LRP1: variants seen among roughly 807,000 people sequenced by gnomAD.
LRP1 encodes the protein LDL receptor related protein 1, also known as prolow-density lipoprotein receptor-related protein 1.
In LRP1, 51 loss-of-function variants were observed where a neutral mutation model predicts 541.5. The ratio of observed to expected loss-of-function variants is 0.09; its 90% confidence interval spans 0.08 to 0.12. LRP1 has a LOEUF of 0.12. LRP1 is among the 10% of genes least tolerant of loss of function. The pLI is 1.00. For synonymous variants in LRP1, 2,219 were observed against 2,470.8 expected (o/e 0.90, Z 3.02); for missense variants, 3,878 against 6,376.2 (o/e 0.61, Z 13.34).
intron 61 of LRP1, 84 bp from the exon 62 acceptor site, chr12:57,199,793 C>G: frequency 6.9e-7 from 1 of 1,455,654 alleles, no homozygotes. Context: ...CAGACCCACC[C>G]GCCTCTGTCC....
chr12:57,174,697 G>A (rs1203250938), intron 22 of LRP1, among the ~76,000 whole-genome samples: 7 of 152,298 alleles, frequency 4.6e-5, no homozygotes, highest in Middle Eastern at 3.4e-3. Flanking sequence ...CCTGGGAGGC[G>A]GAGGTTGCAG....
intron 34 of LRP1, among the ~76,000 whole-genome samples, chr12:57,182,644 C>T (rs1284887374): frequency 6.6e-6 from 1 of 151,896 alleles, no homozygotes. Context: ...CGGAGAAACC[C>T]TGTCTCTACT....
rs918477472 is a variant in LRP1, at chr12:57,184,030, C to G, written c.5930-55C>G. 2.5e-6 allele frequency: 4 copies of G among 1,601,596 alleles called. No homozygotes were observed. The Admixed American group carries it at 6.7e-5, about 27-fold the overall frequency. On this transcript the variant is annotated intron_variant, in intron 36 of 88. Transcript: ENST00000243077. This position sits in a 1 kb window ranked among gnomAD's most constrained non-coding sequence, Gnocchi z 7.8. Reference sequence around the variant, plus strand: ...AGGGGTGCCTGGGAGCTTGGAGACACCAGGTCCACCTGTCCTCACCTAACC... The same window carrying G: ...AGGGGTGCCTGGGAGCTTGGAGACAGCAGGTCCACCTGTCCTCACCTAACC...
At chr12:57,182,467 T>C (rs1264454048) in intron 34 of LRP1, among the ~76,000 whole-genome samples, 3 of 146,360 alleles carry the variant, frequency 2.0e-5, no homozygotes, top group African/African-American at 7.7e-5. Flanking sequence ...GGGCCAATAT[T>C]GTGCCACTGA....
Position 57,156,354 on chromosome 12 carries a change from G to A in LRP1, c.1417+71G>A. The A allele has an allele frequency of 1.3e-6, 2 of 1,484,972 alleles. No homozygotes were observed. Among genetic ancestry groups the A allele is most frequent in the South Asian group, 1.2e-5 (1 of 80,334 alleles). 92.0% of individuals were successfully genotyped at this position (1,484,972 alleles called of 1,614,324 possible). A position where few individuals can be genotyped will look rare whatever the true frequency, so the allele number is the denominator to read the frequency against. On this transcript the variant is annotated intron_variant, in intron 9 of 88. Transcript: ENST00000243077. This position sits in a 1 kb window ranked among gnomAD's most constrained non-coding sequence, Gnocchi z 5.2. ...ATGGCTCTGGGACCTTGGGATCACA[G>A]CCCCTCTCTGGGCCCTCCTGTGGGG...
At position 57,208,146 on chromosome 12, in the gene LRP1, G is replaced by A. The variant is rs773851515; in HGVS notation, c.11968G>A (p.Glu3990Lys). 16 of 1,614,078 alleles carry A rather than the reference G, an allele frequency of 9.9e-6. No individual in the cohort carries two copies. The highest frequency in any genetic ancestry group is 4.5e-5 in the East Asian group (2 of 44,898). ...GATTGAGGTGGCGCAGATGAAGGGC[G>A]AGAACCGCAAGACGCTCATCTCGGG... ...DVIEVAQMKG[E>K]NRKTLISGMI... Residue 3990 changes from glutamate (E) to lysine (K), a missense_variant, in exon 77 of 89, where the codon GAG becomes AAG. Coordinates refer to ENST00000243077, the MANE Select transcript of LRP1 (RefSeq NM_002332.3).
rs918202287 is a variant in LRP1 at position 57,194,126 on chromosome 12, C to T, written c.7918+114C>T. On this transcript the variant is annotated intron_variant, in intron 48 of 88. Transcript: ENST00000243077. The stretch of plus-strand genomic sequence containing the variant: ...ATTCCTCTCTGCCTTCCCTCATCCC[C>T]GCTGACAGCCTCCATCTCCCTGAGG... The T allele has an allele frequency of 4.2e-5, 44 of 1,060,068 alleles. No individual in the cohort carries two copies. The Admixed American group carries it at 5.2e-4, about 13-fold the overall frequency. 65.7% of individuals were successfully genotyped at this position (1,060,068 alleles called of 1,614,324 possible).
Position 57,165,919 on chromosome 12 carries a change from A to G in LRP1, c.2645A>G (p.Asn882Ser). The G allele has an allele frequency of 6.2e-7, 1 of 1,614,192 alleles. No homozygotes were observed. The highest frequency in any genetic ancestry group is 1.7e-5 in the Admixed American group (1 of 60,026). Reference sequence around the variant, plus strand: ...GACGGAGACAACGATTGCCTGGACAACAGTGATGAGGCCCCAGCCCTCTGC... The same window carrying G: ...GACGGAGACAACGATTGCCTGGACAGCAGTGATGAGGCCCCAGCCCTCTGC... ...KCDGDNDCLD[N>S]SDEAPALCHQ... is the part of the protein sequence containing the mutation. The change falls in exon 16 of 89, where the codon AAC becomes AGC. Residue 882 changes from asparagine to serine, a missense_variant. Around this residue, in one of 13 missense-constraint regions of LRP1, gnomAD observed 496 missense variants for 861.0 expected, o/e 0.58. Coordinates refer to ENST00000243077, the MANE Select transcript of LRP1 (RefSeq NM_002332.3). The surrounding 1 kb of genome is among the most constrained non-coding windows in gnomAD (Gnocchi z 4.5).
At chr12:57,141,611 T>C (rs991934272) in intron 3 of LRP1, 100 bp downstream of exon 3, 3 of 1,415,680 alleles carry the variant, frequency 2.1e-6, no homozygotes, top group African/African-American at 1.4e-5. Context: ...GATGAGGCCT[T>C]GTCCTGGTCC....
intron 6 of LRP1, chr12:57,148,994 G>A (rs755771700): frequency 5.6e-5 from 37 of 658,808 alleles, no homozygotes; most frequent in African/African-American, 3.5e-4. Flanking sequence ...GTGTGTTTTC[G>A]AAATCACAAC....
Position 57,162,523 on chromosome 12 carries a change from C to T in LRP1, c.2404+5C>T. 6.2e-7 allele frequency: 1 copy of T among 1,613,366 alleles called. No homozygotes were observed. The highest frequency in any genetic ancestry group is 8.5e-7 in the Non-Finnish European group (1 of 1,179,914). On this transcript the variant is annotated splice_donor_5th_base_variant and intron_variant, in intron 14 of 88. Transcript: ENST00000243077. This position sits in a 1 kb window ranked among gnomAD's most constrained non-coding sequence, Gnocchi z 5.2. ...ATGATGCCCAGCAGCAGCAAGGTAC[C>T]TCCTTGGGGCTGGGGGCAGCGTGGG... is the stretch of plus-strand genomic sequence containing the variant.
intron 3 of LRP1, among the ~76,000 whole-genome samples, chr12:57,142,117 T>C (rs2035304611): frequency 7.2e-5 from 11 of 152,128 alleles, no homozygotes; most frequent in Admixed American, 7.2e-4. Context: ...TTCCAGCCTG[T>C]GGCTCAGGTC....
chr12:57,161,577 A>C (rs971132205), intron 13 of LRP1, among the ~76,000 whole-genome samples: 1 of 152,024 alleles, frequency 6.6e-6, no homozygotes, highest in African/African-American at 2.4e-5. Flanking sequence ...CCTTCATGAT[A>C]TGGCCCCTGA....
At chr12:57,176,556 G>A (rs566641447) in intron 24 of LRP1, among the ~76,000 whole-genome samples, 2 of 152,168 alleles carry the variant, frequency 1.3e-5, no homozygotes, top group Non-Finnish European at 2.9e-5. Context: ...GTCAAGGAAG[G>A]TCCCCTGAGA....
At chr12:57,142,312 C>T (rs1437868799) in intron 3 of LRP1, among the ~76,000 whole-genome samples, 1 of 152,148 alleles carries the variant, frequency 6.6e-6, no homozygotes, top group Non-Finnish European at 1.5e-5. Context: ...TTTGAGAGGC[C>T]ATGAGCGTAG....
At chr12:57,180,937 T>A (rs2036152677) in intron 33 of LRP1, 130 bp downstream of exon 33, 1 of 1,345,814 alleles carries the variant, frequency 7.4e-7, no homozygotes, top group African/African-American at 1.4e-5. Context: ...AAGGGGCTCC[T>A]TGTTTCCTTA....
chr12:57,193,905 C>G lies in LRP1; in HGVS notation c.7811C>G (p.Ala2604Gly). The part of the protein sequence containing the change: ...GSDEIPCNKT[A>G]CGVGEFRCRD... The stretch of plus-strand genomic sequence containing the variant: ...GGGGCGGGCACTGTTCTAGAGACAG[C>G]CTGTGGTGTGGGCGAGTTCCGCTGC... The change falls in exon 48 of 89, where the codon GCC becomes GGC. Residue 2604 changes from alanine (A) to glycine (G), a missense_variant. By Grantham distance (60) the Ala-to-Gly change is moderately conservative. Coordinates refer to ENST00000243077, the MANE Select transcript of LRP1 (RefSeq NM_002332.3). The G allele has an allele frequency of 6.2e-7, 1 of 1,613,926 alleles. No individual in the cohort carries two copies. Among genetic ancestry groups the G allele is most frequent in the Non-Finnish European group, 8.5e-7 (1 of 1,179,908 alleles).
intron 81 of LRP1, 35 bp from the exon 82 acceptor site, chr12:57,210,272 C>T (rs2036879417): frequency 1.3e-6 from 2 of 1,549,584 alleles, no homozygotes; most frequent in Admixed American, 1.9e-5. Context: ...CCTCCTATTC[C>T]CCTGGCTCTG....
rs151252533 is a variant in LRP1, at chr12:57,178,461, G to A, written c.4464G>A (p.Gly1488=). The A allele has an allele frequency of 5.8e-5, 94 of 1,614,120 alleles. 1 individual carries two copies. The highest frequency in any genetic ancestry group is 6.8e-5 in the Non-Finnish European group (80 of 1,180,038). The part of the protein sequence containing the change: ...LSHPFAVTLY[G]GEVYWTDWRT... ...ACCCGTTTGCAGTGACGCTGTACGG[G>A]GGGGAGGTCTACTGGACTGACTGGC... is the stretch of plus-strand genomic sequence containing the variant. The change falls in exon 27 of 89, where the codon GGG becomes GGA. Residue 1488 remains glycine, a synonymous_variant. Coordinates refer to ENST00000243077, the MANE Select transcript of LRP1 (RefSeq NM_002332.3). This position sits in a 1 kb window ranked among gnomAD's most constrained non-coding sequence, Gnocchi z 5.8.
Sources: gnomAD v4.1 joint callset for allele counts (sites outside exome capture counted in the v4.1 genomes callset) on GRCh38, gnomAD v4.1.1 for gene constraint, gnomAD v4.1.1 regional missense constraint, Gnocchi (gnomAD v3.1) non-coding constraint, MANE v1.5 for transcripts, NCBI Gene and HGNC (gene_info 2026-07-23, HGNC 2026-07-21) for gene names.